Variants in HID1 observed in about 807,000 individuals in gnomAD.
HID1 encodes HID1 domain containing.
In HID1, 42 loss-of-function variants were observed where a neutral mutation model predicts 89.7. That is an observed-to-expected ratio of 0.47 (90% CI 0.37 to 0.61). The LOEUF (loss-of-function observed/expected upper bound fraction) is 0.61, where lower values mean the gene tolerates loss of function less well. Among genes scored for constraint, HID1 ranks in the 20% least tolerant of loss-of-function variants. The pLI is 0.00. For missense variants in HID1, 854 were observed against 1,039.3 expected (o/e 0.82, Z 2.45); for synonymous variants, 442 against 433.8 (o/e 1.02, Z -0.24).
chr17:74,971,404 G>A (rs2039645670), intron 1 of HID1, among the ~76,000 whole-genome samples: 1 of 152,252 alleles, frequency 6.6e-6, no homozygotes. Flanking sequence ...TTTCTATCAA[G>A]AGCCTTTCAG....
chr17:74,951,777 C>T, intron 18 of HID1, 128 bp downstream of exon 18: 1 of 1,368,890 alleles, frequency 7.3e-7, no homozygotes, highest in Admixed American at 2.3e-5. Flanking sequence ...GTCAACCAGG[C>T]AAGGCCGCCT....
chr17:74,954,457 G>A (rs1459134564), intron 13 of HID1, 92 bp from the exon 14 acceptor site: 3 of 1,537,272 alleles, frequency 2.0e-6, no homozygotes, highest in African/African-American at 2.7e-5. Context: ...GGAGTTTGGA[G>A]GACAGGAGGG....
rs974626648 is a variant in HID1 at position 74,962,910 on chromosome 17, C to T, written c.504+55G>A. On this transcript the variant is annotated intron_variant, in intron 4 of 18. Transcript: ENST00000425042. This position sits in a 1 kb window ranked among gnomAD's most constrained non-coding sequence, Gnocchi z 4.3. ...AAGGGAACTTCAACTGGCCCGGCCC[C>T]AACCCAGGACCAGAGCCTACTCCGC... is the stretch of plus-strand genomic sequence containing the variant. 2.1e-5 allele frequency: 29 copies of T among 1,365,594 alleles called. No individual in the cohort carries two copies. The East Asian group carries it at 6.6e-4, about 31-fold the overall frequency. The allele number at this position is 1,365,594 out of a possible 1,614,324, so 84.6% of individuals were successfully genotyped here.
At chr17:74,960,344 A>G in intron 6 of HID1, 96 bp from the exon 7 acceptor site, 2 of 1,084,778 alleles carry the variant, frequency 1.8e-6, no homozygotes, top group African/African-American at 1.6e-5. Context: ...GCCTCATTCA[A>G]CAAGCATTTT....
chr17:74,954,092 A>AG (rs762792534), intron 14 of HID1, 46 bp downstream of exon 14: 91 of 1,517,402 alleles, frequency 6.0e-5, no homozygotes, highest in Non-Finnish European at 8.1e-5. Context: ...TCCCTCCCCC[A>AG]GCCACACCAG....
Position 74,958,369 on chromosome 17 carries a change from G to A in HID1, c.1350C>T (p.Asp450=). 1.2e-6 allele frequency: 2 copies of A among 1,613,196 alleles called. No individual in the cohort carries two copies. The highest frequency in any genetic ancestry group is 1.7e-6 in the Non-Finnish European group (2 of 1,179,678). The change falls in exon 11 of 19, where the codon GAC becomes GAT. Residue 450 remains aspartate (D), a synonymous_variant. Coordinates refer to ENST00000425042, the MANE Select transcript of HID1 (RefSeq NM_030630.3). The surrounding 1 kb of genome is among the most constrained non-coding windows in gnomAD (Gnocchi z 5.2). ...NKPYSIRVPM[D]IPVFTGTHAD... ...CGTGGGTCCCTGTGAAGACTGGGAT[G>A]TCCATGGGCACGCGGATTGAGTAGG...
intron 1 of HID1, chr17:74,970,684 G>A (rs1262850147): frequency 2.6e-5 from 4 of 152,426 alleles, no homozygotes; most frequent in Non-Finnish European, 5.9e-5. Context: ...CAGGAAAAGG[G>A]GCTAGTTCTG....
chr17:74,952,091 A>G (rs2039310785), intron 17 of HID1, 28 bp from the exon 18 acceptor site: 1 of 1,552,664 alleles, frequency 6.4e-7, no homozygotes, highest in South Asian at 1.2e-5. Context: ...TCTCCAGCAC[A>G]CTCACGTGGT....
intron 13 of HID1, 114 bp downstream of exon 13, chr17:74,955,678 G>T: frequency 1.1e-6 from 1 of 900,568 alleles, no homozygotes; most frequent in Non-Finnish European, 1.7e-6. Context: ...ACTGGGGGCA[G>T]AAGGCAAGCA....
At position 74,958,757 on chromosome 17, in the gene HID1, G is replaced by C; in HGVS notation, c.1156C>G (p.Leu386Val). The stretch of plus-strand genomic sequence containing the variant: ...TCGCTGCTCTTCAGCACGAAGAAGA[G>C]GAATTTCTAGGGGTGCGGGGAGGGG... ...WKLCDFNKKF[L>V]FFVLKSSDVL... Residue 386 changes from leucine (L) to valine (V), a missense_variant, in exon 10 of 19, where the codon CTC becomes GTC. Transcript: ENST00000425042. This position sits in a 1 kb window ranked among gnomAD's most constrained non-coding sequence, Gnocchi z 5.2. 1 of 1,613,348 alleles carries C rather than the reference G, an allele frequency of 6.2e-7. No homozygotes were observed. The highest frequency in any genetic ancestry group is 8.5e-7 in the Non-Finnish European group (1 of 1,179,790).
In HID1 at chr17:74,972,637, T is replaced by C. The variant is rs1243081481; in HGVS notation, c.20A>G (p.Lys7Arg). The stretch of plus-strand genomic sequence containing the variant: ...GATCACCGCCTTCCGGAAGTTCAGC[T>C]TGGAGTCGGTCGACCCCATGTCTCT... MGSTDS[K>R]LNFRKAVIQL... is the part of the protein sequence containing the mutation. Residue 7 changes from lysine (K) to arginine (R), a missense_variant, in exon 1 of 19, where the codon AAG (lysine) becomes AGG (arginine). Lys to Arg is a conservative substitution (Grantham distance 26). Coordinates refer to ENST00000425042, the MANE Select transcript of HID1 (RefSeq NM_030630.3). This position sits in a 1 kb window ranked among gnomAD's most constrained non-coding sequence, Gnocchi z 6.4. 2 of 1,548,478 alleles carry C rather than the reference T, an allele frequency of 1.3e-6. No individual in the cohort carries two copies. Among genetic ancestry groups the C allele is most frequent in the East Asian group, 2.5e-5 (1 of 40,692 alleles).
intron 2 of HID1, 186 bp from the exon 3 acceptor site, chr17:74,964,096 T>G: frequency 1.6e-6 from 1 of 634,980 alleles, no homozygotes; most frequent in South Asian, 1.9e-5. Context: ...CTTGGGGGAC[T>G]GGGACACAGG....
rs2039664602 is a variant in HID1 at position 74,972,497 on chromosome 17, C to A, written c.66+94G>T. Reference sequence around the variant, plus strand: ...GTTACGCTCGGGGCCCGCCCGTCCCCCCATCTCCCGACGAGCCAAGTTCGC... The same window carrying A: ...GTTACGCTCGGGGCCCGCCCGTCCCACCATCTCCCGACGAGCCAAGTTCGC... On this transcript the variant is annotated intron_variant, in intron 1 of 18. Transcript: ENST00000425042. The surrounding 1 kb of genome is among the most constrained non-coding windows in gnomAD (Gnocchi z 6.4). 2 of 1,194,550 alleles carry A rather than the reference C, an allele frequency of 1.7e-6. No individual in the cohort carries two copies. Among genetic ancestry groups the A allele is most frequent in the Non-Finnish European group, 2.3e-6 (2 of 855,832 alleles). The allele number at this position is 1,194,550 out of a possible 1,614,324, so 74.0% of individuals were successfully genotyped here.
chr17:74,958,141 C>A lies in HID1; in HGVS notation c.1471G>T (p.Val491Leu), dbSNP rs890182808. 3 of 1,605,092 alleles carry A rather than the reference C, an allele frequency of 1.9e-6. No individual in the cohort carries two copies. The highest frequency in any genetic ancestry group is 2.7e-5 in the African/African-American group (2 of 74,762). The change falls in exon 12 of 19, where the codon GTG becomes TTG. Residue 491 changes from valine (V) to leucine (L), a missense_variant and splice_region_variant. Transcript: ENST00000425042. This position sits in a 1 kb window ranked among gnomAD's most constrained non-coding sequence, Gnocchi z 5.2. Reference sequence around the variant, plus strand: ...GGGAGTGCAAGCTCCGGGCCCCTACCGTTGACCACGATGGTGAGCAGGCAG... The same window carrying A: ...GGGAGTGCAAGCTCCGGGCCCCTACAGTTGACCACGATGGTGAGCAGGCAG... The part of the protein sequence containing the change: ...FDCLLTIVVN[V>L]SPYLKSLSMV...
Position 74,972,755 on chromosome 17 carries a change from G to T in HID1, c.-99C>A, listed in dbSNP as rs1567968261. The T allele has an allele frequency of 8.5e-7, 1 of 1,173,882 alleles. No homozygotes were observed. Among genetic ancestry groups the T allele is most frequent in the Non-Finnish European group, 1.1e-6 (1 of 883,432 alleles). The allele number at this position is 1,173,882 out of a possible 1,614,324, so 72.7% of individuals were successfully genotyped here. ...TCCGCGGCCCCCGCGGCTCTCGCAG[G>T]AGACAAGCGGCGCGCCCCGCCCCCG... is the stretch of plus-strand genomic sequence containing the variant. On this transcript the variant is annotated 5_prime_UTR_variant, in exon 1 of 19. Transcript: ENST00000425042. This position sits in a 1 kb window ranked among gnomAD's most constrained non-coding sequence, Gnocchi z 6.4.
Position 74,951,935 on chromosome 17 carries a change from C to A in HID1, c.2273G>T (p.Arg758Leu), listed in dbSNP as rs766916750. 4 of 1,550,888 alleles carry A rather than the reference C, an allele frequency of 2.6e-6. No individual in the cohort carries two copies. The highest frequency in any genetic ancestry group is 2.6e-6 in the Non-Finnish European group (3 of 1,147,872). The change falls in exon 18 of 19, where the codon CGC becomes CTC. Residue 758 changes from arginine (R) to leucine (L), a missense_variant. Transcript: ENST00000425042. ...QANSGTAMWFRTYMWGVIYLR... is the reference protein window; with the variant it reads ...QANSGTAMWFLTYMWGVIYLR... ...ATAGATGACGCCCCACATGTAGGTG[C>A]GGAACCACATGGCAGTGCCCGAGTT...
At chr17:74,971,038 TA>T (rs1350119870) in intron 1 of HID1, among the ~76,000 whole-genome samples, 12 of 152,328 alleles carry the variant, frequency 7.9e-5, no homozygotes, top group African/African-American at 2.9e-4. Context: ...CATAGGGCTG[TA>T]GCCAGGGAAA....
intron 1 of HID1, among the ~76,000 whole-genome samples, chr17:74,967,567 T>C (rs2039581587): frequency 6.6e-6 from 1 of 150,650 alleles, no homozygotes; most frequent in Non-Finnish European, 1.5e-5. Context: ...ATAATAATAA[T>C]GGCTGGGCAC....
chr17:74,963,550 C>T, intron 3 of HID1, 190 bp downstream of exon 3: 1 of 614,644 alleles, frequency 1.6e-6, no homozygotes, highest in Non-Finnish European at 2.8e-6. Context: ...GGCACAGAAA[C>T]CCCCATGGGA....
Sources: gnomAD v4.1 joint callset for allele counts (sites outside exome capture counted in the v4.1 genomes callset) on GRCh38, gnomAD v4.1.1 for gene constraint, Gnocchi (gnomAD v3.1) non-coding constraint, MANE v1.5 for transcripts, NCBI Gene and HGNC (gene_info 2026-07-23, HGNC 2026-07-21) for gene names.